MEF2A: variants seen among roughly 807,000 people sequenced by gnomAD.
The protein encoded by MEF2A is myocyte enhancer factor 2A.
MEF2A carries 28 observed loss-of-function variants against 55.8 expected under a neutral mutation model. The ratio of observed to expected loss-of-function variants is 0.50; its 90% CI spans 0.37 to 0.69. The LOEUF (loss-of-function observed/expected upper bound fraction) is 0.69, where lower values mean the gene tolerates loss of function less well. MEF2A is among the 30% of genes least tolerant of loss of function. The pLI is 0.00. For missense variants in MEF2A, 528 were observed against 626.2 expected, an observed-to-expected ratio of 0.84 and a Z score of 1.67; for synonymous variants, 239 against 227.1, an observed-to-expected ratio of 1.05 and a Z score of -0.47.
rs182625545 is a variant in MEF2A, at chr15:99,573,825, C to G, written c.-225+7721C>G. 5.7e-4 allele frequency among the ~76,000 whole-genome samples: 87 copies of G among 152,300 alleles called. 1 individual carries two copies. Among genetic ancestry groups the G allele is most frequent in the Non-Finnish European group, 3.2e-4 (22 of 68,014 alleles). ...TTCCCCATTCTAAATAGCTGACTTACAAATAGGCTTTTGGAACATATCCCA... is the reference window on the plus strand; with the variant it reads ...TTCCCCATTCTAAATAGCTGACTTAGAAATAGGCTTTTGGAACATATCCCA... On this transcript the variant is annotated intron_variant, in intron 1 of 11. Transcript: ENST00000557942.
In MEF2A at chr15:99,593,800, A is replaced by G. The variant is rs956327398; in HGVS notation, c.-224-4630A>G. 1.5e-4 allele frequency among the ~76,000 whole-genome samples: 23 copies of G among 152,228 alleles called. 1 individual carries two copies. The highest frequency in any genetic ancestry group is 2.6e-4 in the Non-Finnish European group (18 of 68,034). ...GCTGAGTTAAGTTGTACCGTGGTAT[A>G]AAACATGATATTCAACATTTAAATG... On this transcript the variant is annotated intron_variant, in intron 1 of 11. Coordinates refer to ENST00000557942, the MANE Select transcript of MEF2A (RefSeq NM_001319206.4).
At chr15:99,626,084 G>A (rs891885194) in intron 2 of MEF2A, among the ~76,000 whole-genome samples, 4 of 152,102 alleles carry the variant, frequency 2.6e-5, no homozygotes, top group Non-Finnish European at 4.4e-5. Flanking sequence ...TGAGTCTAAA[G>A]CTTTTCTTTG....
intron 3 of MEF2A, among the ~76,000 whole-genome samples, chr15:99,634,791 T>G (rs1325674619): frequency 1.3e-5 from 2 of 152,230 alleles, no homozygotes; most frequent in African/African-American, 4.8e-5. Flanking sequence ...TTAGCTGCTG[T>G]GTCAGCTTCT....
At chr15:99,662,216 A>C (rs1470499666) in intron 4 of MEF2A, among the ~76,000 whole-genome samples, 1 of 152,058 alleles carries the variant, frequency 6.6e-6, no homozygotes, top group South Asian at 2.1e-4. Flanking sequence ...GCCTTGGTCT[A>C]TTTTTTTGAC....
chr15:99,635,643 C>G (rs1302716843), intron 3 of MEF2A, among the ~76,000 whole-genome samples: 3 of 152,230 alleles, frequency 2.0e-5, no homozygotes, highest in Non-Finnish European at 4.4e-5. Context: ...ACTTCTAACA[C>G]TATAGATTAA....
rs1013412637 is a variant in MEF2A at position 99,690,146 on chromosome 15, T to C, written c.671-95T>C. On this transcript the variant is annotated intron_variant, in intron 7 of 11. Coordinates refer to ENST00000557942, the MANE Select transcript of MEF2A (RefSeq NM_001319206.4). ...CCTGTAGTGAGTTTTGTTATAAAAT[T>C]TATTTGCAACTCAGACTGGGGAAAA... The C allele has an allele frequency of 3.3e-6, 4 of 1,197,958 alleles. No homozygotes were observed. The African/African-American group carries it at 6.1e-5, about 18-fold the overall frequency. 74.2% of individuals were successfully genotyped at this position (1,197,958 alleles called of 1,614,324 possible). A position where few individuals can be genotyped will look rare whatever the true frequency, so the allele number is the denominator to read the frequency against.
intron 1 of MEF2A, among the ~76,000 whole-genome samples, chr15:99,573,241 A>G (rs977720280): frequency 2.0e-5 from 3 of 148,878 alleles, no homozygotes; most frequent in African/African-American, 7.4e-5. Flanking sequence ...GTGAGCCAAG[A>G]TCGCGCCACT....
intron 5 of MEF2A, among the ~76,000 whole-genome samples, chr15:99,673,094 A>T (rs1597047064): frequency 6.6e-6 from 1 of 152,174 alleles, no homozygotes; most frequent in African/African-American, 2.4e-5. Flanking sequence ...ACACTGAATA[A>T]ACTGTGTATT....
intron 7 of MEF2A, among the ~76,000 whole-genome samples, chr15:99,687,084 CTTTTT>C (rs71149484): frequency 1.5e-5 from 1 of 67,748 alleles, no homozygotes; most frequent in African/African-American, 6.6e-5. Flanking sequence ...ATTAATTTTT[CTTTTT>C]TTTTTTTTTT....
At chr15:99,588,053 A>G (rs1967954937) in intron 1 of MEF2A, among the ~76,000 whole-genome samples, 2 of 152,146 alleles carry the variant, frequency 1.3e-5, no homozygotes, top group South Asian at 4.1e-4. Context: ...TCTTAGCTGT[A>G]GGTTTTCTGT....
In MEF2A at chr15:99,713,156, T is replaced by C; in HGVS notation, c.*385T>C. The stretch of plus-strand genomic sequence containing the variant: ...CCTAGAGGGCCCCCTACTTGTTTTA[T>C]TTAACTGTGCAGTGACTGTAGTTAC... On this transcript the variant is annotated 3_prime_UTR_variant, in exon 12 of 12. Transcript: ENST00000557942. 1 of 425,048 alleles carries C rather than the reference T, an allele frequency of 2.4e-6. No individual in the cohort carries two copies. The highest frequency in any genetic ancestry group is 9.3e-5 in the South Asian group (1 of 10,716). The allele number at this position is 425,048 out of a possible 1,614,324, so 26.3% of individuals were successfully genotyped here. A position where few individuals can be genotyped will look rare whatever the true frequency, so the allele number is the denominator to read the frequency against.
At chr15:99,632,639 GGATTGAATGAGTTAAGACATGTC>G (rs1393650523) in intron 2 of MEF2A, among the ~76,000 whole-genome samples, 1 of 152,134 alleles carries the variant, frequency 6.6e-6, no homozygotes, top group Admixed American at 6.5e-5. Flanking sequence ...ATTGCTATTA[GGATTGAATGAGTTAAGACATGTC>G]CATGCTTAGG....
intron 9 of MEF2A, among the ~76,000 whole-genome samples, chr15:99,704,704 AG>A (rs1228345958): frequency 2.6e-5 from 4 of 152,350 alleles, no homozygotes; most frequent in Admixed American, 1.3e-4. Flanking sequence ...TGGAGTAGGT[AG>A]GGTCCAGGCC....
chr15:99,678,022 A>G (rs972442590), intron 7 of MEF2A, among the ~76,000 whole-genome samples: 1 of 152,238 alleles, frequency 6.6e-6, no homozygotes, highest in African/African-American at 2.4e-5. Flanking sequence ...TCATAAAAAT[A>G]CAAGTATTGA....
chr15:99,629,830 C>G (rs2042657215), intron 2 of MEF2A, among the ~76,000 whole-genome samples: 1 of 152,078 alleles, frequency 6.6e-6, no homozygotes, highest in Non-Finnish European at 1.5e-5. Flanking sequence ...GCCCCAGCTA[C>G]TTGGGAGGCT....
chr15:99,698,063 A>G (rs1365963839), intron 8 of MEF2A, among the ~76,000 whole-genome samples: 2 of 152,242 alleles, frequency 1.3e-5, no homozygotes, highest in Non-Finnish European at 2.9e-5. Context: ...AATAACTCAA[A>G]CTTTATTAAA....
chr15:99,642,064 T>A (rs1425598988), intron 3 of MEF2A, among the ~76,000 whole-genome samples: 3 of 152,276 alleles, frequency 2.0e-5, no homozygotes, highest in African/African-American at 7.2e-5. Context: ...ACTTCCTGAG[T>A]TTTTTTATGT....
At chr15:99,709,611 T>A (rs1050801050) in intron 10 of MEF2A, among the ~76,000 whole-genome samples, 1 of 152,248 alleles carries the variant, frequency 6.6e-6, no homozygotes, top group African/African-American at 2.4e-5. Flanking sequence ...AAGACCAATT[T>A]CTTTAAACAC....
At chr15:99,685,051 G>A (rs918156948) in intron 7 of MEF2A, among the ~76,000 whole-genome samples, 12 of 152,140 alleles carry the variant, frequency 7.9e-5, no homozygotes, top group African/African-American at 2.9e-4. Flanking sequence ...ATTGGTCTGT[G>A]TGCCTGTATT....
Sources: allele counts gnomAD v4.1 joint callset (sites outside exome capture counted in the v4.1 genomes callset), GRCh38; gene constraint gnomAD v4.1.1; transcripts MANE v1.5; gene names NCBI Gene and HGNC (gene_info 2026-07-23, HGNC 2026-07-21).